Variants in OTOR observed in about 807,000 individuals in gnomAD.
OTOR encodes the protein fibrocyte-derived protein.
In OTOR, 20 loss-of-function variants were observed where a neutral mutation model predicts 15.9. The observed-to-expected ratio is 1.26, with a 90% CI of 0.89 to 1.83. The LOEUF is 1.83. Ranked by LOEUF, OTOR falls within the 40% of genes most tolerant of loss-of-function variation. OTOR has a pLI of 0.00. For synonymous variants in OTOR, 53 were observed against 54.2 expected (o/e 0.98, Z 0.09); for missense variants, 184 against 159.0 (o/e 1.16, Z -0.85).
rs2072518886 is a variant in OTOR at position 16,749,993 on chromosome 20, A to G, written c.346A>G (p.Lys116Glu). 2 of 1,611,674 alleles carry G rather than the reference A, an allele frequency of 1.2e-6. No homozygotes were observed. The highest frequency in any genetic ancestry group is 2.2e-5 in the East Asian group (1 of 44,788). ...ACAGCGTGTGTACCAGGAAGCTACC[A>G]AGGAAGTTCCCACCACGGTAAGCAT... Reference protein sequence around the residue: ...KEQRVYQEATKEVPTTDIDFF... With the variant: ...KEQRVYQEATEEVPTTDIDFF... The change falls in exon 3 of 4, where the codon AAG becomes GAG. Residue 116 changes from lysine to glutamate, a missense_variant. Lys to Glu is a moderately conservative substitution (Grantham distance 56, BLOSUM62 1). Transcript: ENST00000246081.
chr20:16,750,044 A>C, intron 3 of OTOR, 34 bp downstream of exon 3: 3 of 1,396,032 alleles, frequency 2.1e-6, no homozygotes, highest in Non-Finnish European at 3.0e-6. Flanking sequence ...ACAAGGACTC[A>C]GATCTTGGGG....
chr20:16,750,968 G>T, intron 3 of OTOR, 127 bp from the exon 4 acceptor site: 2 of 703,104 alleles, frequency 2.8e-6, no homozygotes, highest in Non-Finnish European at 4.7e-6. Context: ...ATTTTTTGGG[G>T]GTCAACCTTT....
chr20:16,749,707 T>C (rs1277933307), intron 2 of OTOR, 196 bp from the exon 3 acceptor site: 9 of 572,284 alleles, frequency 1.6e-5, no homozygotes, highest in East Asian at 2.8e-5. Context: ...CACTAAACAG[T>C]AGATGCACAA....
chr20:16,751,214 G>A lies in OTOR; in HGVS notation c.*96G>A, dbSNP rs770833982. ...TGCATGTCTGTAATTTTGGACTGAC[G>A]TTTTAAGAATTTGTTACCTTACAGA... On this transcript the variant is annotated 3_prime_UTR_variant, in exon 4 of 4. Coordinates refer to ENST00000246081, the MANE Select transcript of OTOR (RefSeq NM_020157.4). 10 of 857,450 alleles carry A rather than the reference G, an allele frequency of 1.2e-5. No homozygotes were observed. Among genetic ancestry groups the A allele is most frequent in the East Asian group, 8.2e-5 (3 of 36,702 alleles). 53.1% of individuals were successfully genotyped at this position (857,450 alleles called of 1,614,324 possible).
chr20:16,749,716 A>G (rs895440677), intron 2 of OTOR, 187 bp from the exon 3 acceptor site: 5 of 575,606 alleles, frequency 8.7e-6, no homozygotes, highest in Non-Finnish European at 1.2e-5. Context: ...GTAGATGCAC[A>G]ATTCCTGCGG....
At chr20:16,750,153 TG>T (rs1391276838) in intron 3 of OTOR, 143 bp downstream of exon 3, 1 of 576,334 alleles carries the variant, frequency 1.7e-6, no homozygotes. Context: ...TAATGAGGTT[TG>T]GGGGACCATT....
chr20:16,749,611 T>TTA (rs1436369833), intron 2 of OTOR: 1 of 360,682 alleles, frequency 2.8e-6, no homozygotes, highest in African/African-American at 2.1e-5. Context: ...CTTTATATAT[T>TTA]TATTTATGGG....
At chr20:16,748,540 A>G (rs2072507221) in intron 1 of OTOR, 24 bp downstream of exon 1, 3 of 1,317,340 alleles carry the variant, frequency 2.3e-6, no homozygotes, top group Non-Finnish European at 3.3e-6. Flanking sequence ...TATGCTTTTC[A>G]TTATCTTTCT....
chr20:16,751,079 TTTTGTTTTTTTCCAGGATA>T lies in OTOR; in HGVS notation c.364-13_369del. The T allele has an allele frequency of 6.5e-7, 1 of 1,534,224 alleles. No individual in the cohort carries two copies. Among genetic ancestry groups the T allele is most frequent in the Non-Finnish European group, 8.8e-7 (1 of 1,132,564 alleles). On this transcript the variant is annotated splice_acceptor_variant and splice_polypyrimidine_tract_variant and coding_sequence_variant and intron_variant, in exon 4 of 4. Transcript: ENST00000246081. LOFTEE classifies it high-confidence loss of function. ...GCTATTTCGTTCAATCTTTTTTTGTTTTTGTTTTTTTCCAGGATATTGACTTCTTCTGCGAGTAATAAAT... is the reference window on the plus strand; with the variant it reads ...GCTATTTCGTTCAATCTTTTTTTGTTTTGACTTCTTCTGCGAGTAATAAAT...
intron 2 of OTOR, chr20:16,749,314 A>C (rs981110485): frequency 4.7e-6 from 1 of 214,824 alleles, no homozygotes; most frequent in Non-Finnish European, 9.0e-6. Flanking sequence ...AGTAGAAGGC[A>C]TGTGTGTTGG....
intron 3 of OTOR, 53 bp from the exon 4 acceptor site, chr20:16,751,042 T>C: frequency 7.2e-7 from 1 of 1,396,230 alleles, no homozygotes; most frequent in African/African-American, 1.5e-5. Context: ...TACATCTGTT[T>C]TTTTAGCCTA....
intron 2 of OTOR, 29 bp from the exon 3 acceptor site, chr20:16,749,874 T>C (rs2072516965): frequency 6.8e-7 from 1 of 1,467,498 alleles, no homozygotes; most frequent in African/African-American, 1.4e-5. Context: ...ATCAGCTTTT[T>C]CCTGATTGCT....
In OTOR at chr20:16,749,952, G is replaced by A. The variant is rs761481497; in HGVS notation, c.305G>A (p.Arg102Lys). The A allele has an allele frequency of 6.2e-7, 1 of 1,613,900 alleles. No individual in the cohort carries two copies. The highest frequency in any genetic ancestry group is 8.5e-7 in the Non-Finnish European group (1 of 1,179,896). The stretch of plus-strand genomic sequence containing the variant: ...ATGGGAGTCGTGGGTTATTTCCCCA[G>A]GAACTTGGTCAAGGAACAGCGTGTG... Reference protein sequence around the residue: ...DEMGVVGYFPRNLVKEQRVYQ... With the variant: ...DEMGVVGYFPKNLVKEQRVYQ... Residue 102 changes from arginine to lysine, a missense_variant, in exon 3 of 4, where the codon AGG becomes AAG. Physicochemically the swap from Arg to Lys is conservative, Grantham distance 26 (BLOSUM62 2). Transcript: ENST00000246081.
intron 1 of OTOR, 152 bp downstream of exon 1, chr20:16,748,668 T>C: frequency 2.9e-6 from 2 of 700,530 alleles, no homozygotes; most frequent in South Asian, 3.9e-5. Context: ...GTTTGGTATC[T>C]TACTACGGAG....
Position 16,748,893 on chromosome 20 carries a change from G to A in OTOR, c.142G>A (p.Glu48Lys), listed in dbSNP as rs1326014048. The change falls in exon 2 of 4, where the codon GAA becomes AAA. Residue 48 changes from glutamate to lysine, a missense_variant. By Grantham distance (56) the Glu-to-Lys change is moderately conservative (BLOSUM62 1). Transcript: ENST00000246081. The stretch of plus-strand genomic sequence containing the variant: ...TACTATTTCTCTGGCTAGTGCTCAA[G>A]AAGATTATAATGCCCCGGACTGTAG... ...VYTISLASAQ[E>K]DYNAPDCRFI... 6.3e-7 allele frequency: 1 copy of A among 1,598,720 alleles called. No individual in the cohort carries two copies. The highest frequency in any genetic ancestry group is 8.5e-7 in the Non-Finnish European group (1 of 1,174,932).
At chr20:16,750,681 G>C (rs572320124) in intron 3 of OTOR, among the ~76,000 whole-genome samples, 2 of 152,302 alleles carry the variant, frequency 1.3e-5, no homozygotes, top group South Asian at 4.1e-4. Context: ...ATTTATGTAT[G>C]AAATAAAGTT....
rs1328866415 is a variant in OTOR at position 16,748,430 on chromosome 20, CG to C, written c.32del (p.Gly11ValfsTer16). The stretch of plus-strand genomic sequence containing the variant: ...GCAAGAATATTGTTACTTTTCCTCC[CG>C]GGTCTTGTGGCTGTATGTGCTGTGC... MARILLLFL[P>X]GLVAVCAVHG... On this transcript the variant is annotated frameshift_variant, in exon 1 of 4. Coordinates refer to ENST00000246081, the MANE Select transcript of OTOR (RefSeq NM_020157.4). LOFTEE classifies it high-confidence loss of function. The C allele has an allele frequency of 1.9e-6, 3 of 1,612,944 alleles. No homozygotes were observed. Among genetic ancestry groups the C allele is most frequent in the South Asian group, 2.2e-5 (2 of 91,048 alleles).
chr20:16,750,277 T>C (rs2072521333), intron 3 of OTOR, among the ~76,000 whole-genome samples: 1 of 152,214 alleles, frequency 6.6e-6, no homozygotes, highest in Admixed American at 6.5e-5. Flanking sequence ...TTTTCAGCTT[T>C]ATTGGGTTAT....
At position 16,750,018 on chromosome 20, in the gene OTOR, T is replaced by C. The variant is rs1165246520; in HGVS notation, c.363+8T>C. On this transcript the variant is annotated splice_region_variant and intron_variant, in intron 3 of 3. Transcript: ENST00000246081. ...AAGGAAGTTCCCACCACGGTAAGCATCTCAAAAGTGACTAGACAAGGACTC... is the reference window on the plus strand; with the variant it reads ...AAGGAAGTTCCCACCACGGTAAGCACCTCAAAAGTGACTAGACAAGGACTC... 2.5e-6 allele frequency: 4 copies of C among 1,572,144 alleles called. No homozygotes were observed. The African/African-American group carries it at 4.0e-5, about 16-fold the overall frequency.
Sources: gnomAD v4.1 joint callset for allele counts (sites outside exome capture counted in the v4.1 genomes callset) on GRCh38, gnomAD v4.1.1 for gene constraint, MANE v1.5 for transcripts, NCBI Gene and HGNC (gene_info 2026-07-23, HGNC 2026-07-21) for gene names.